Variants in EMILIN2 observed in about 807,000 individuals in gnomAD.
EMILIN2 encodes EMILIN-2.
Under a neutral mutation model 87.1 loss-of-function variants are expected in EMILIN2, and 71 were observed. That is an observed-to-expected ratio of 0.82 (90% CI 0.67 to 0.99). The LOEUF (loss-of-function observed/expected upper bound fraction) is 0.99. Among genes scored for constraint, EMILIN2 ranks in the 50% least tolerant of loss-of-function variants. The pLI, the probability that EMILIN2 is intolerant of heterozygous loss-of-function variation, is 0.00. For missense variants in EMILIN2, 1,407 were observed against 1,371.8 expected, an observed-to-expected ratio of 1.03 and a Z score of -0.40; for synonymous variants, 581 against 563.4, an observed-to-expected ratio of 1.03 and a Z score of -0.44.
chr18:2,895,887 A>G (rs1333956434), intron 4 of EMILIN2, among the ~76,000 whole-genome samples: 1 of 152,228 alleles, frequency 6.6e-6, no homozygotes, highest in Non-Finnish European at 1.5e-5. Flanking sequence ...CACAGTGAGC[A>G]CAGATCCAGA....
chr18:2,867,496 G>A (rs1366650934), intron 2 of EMILIN2, among the ~76,000 whole-genome samples: 1 of 152,076 alleles, frequency 6.6e-6, no homozygotes, highest in Non-Finnish European at 1.5e-5. Flanking sequence ...AGGACCCTGC[G>A]GCCTTCCGCA....
intron 2 of EMILIN2, among the ~76,000 whole-genome samples, chr18:2,870,190 ATGAT>A (rs2076712778): frequency 1.3e-5 from 2 of 152,194 alleles, no homozygotes; most frequent in South Asian, 4.1e-4. Context: ...ACAGTGAACT[ATGAT>A]TGTGCCACTG....
Position 2,890,609 on chromosome 18 carries a change from C to T in EMILIN2, c.482C>T (p.Thr161Ile). 2 of 1,605,526 alleles carry T rather than the reference C, an allele frequency of 1.2e-6. No individual in the cohort carries two copies. The highest frequency in any genetic ancestry group is 1.7e-6 in the Non-Finnish European group (2 of 1,173,286). Reference sequence around the variant, plus strand: ...GAGCCCAGGAAGACTTTGTCCCCAACTGGTACAGCACAACCAAGCTGGGGG... The same window carrying T: ...GAGCCCAGGAAGACTTTGTCCCCAATTGGTACAGCACAACCAAGCTGGGGG... ...FSEPRKTLSP[T>I]GTAQPSWGVD... The change falls in exon 4 of 8, where the codon ACT becomes ATT. Residue 161 changes from threonine (T) to isoleucine (I), a missense_variant. Thr to Ile is a moderately conservative substitution (Grantham distance 89). Coordinates refer to ENST00000254528, the MANE Select transcript of EMILIN2 (RefSeq NM_032048.3). This position sits in a 1 kb window ranked among gnomAD's most constrained non-coding sequence, Gnocchi z 4.7.
chr18:2,912,068 T>G (rs537382766), intron 7 of EMILIN2, among the ~76,000 whole-genome samples: 9 of 148,146 alleles, frequency 6.1e-5, no homozygotes, highest in Non-Finnish European at 1.2e-4. Context: ...TGAGACAGTC[T>G]TGTTCTGTCA....
In EMILIN2 at chr18:2,890,938, G is replaced by C. The variant is rs1253424891; in HGVS notation, c.811G>C (p.Asp271His). 5.6e-6 allele frequency: 9 copies of C among 1,613,968 alleles called. No homozygotes were observed. The highest frequency in any genetic ancestry group is 7.6e-6 in the Non-Finnish European group (9 of 1,180,028). ...DIKSELAEVK[D>H]TLKNKSDKLE... ...CAAGTCTGAATTGGCTGAAGTCAAA[G>C]ATACTCTAAAGAACAAAAGTGACAA... The change falls in exon 4 of 8, where the codon GAT becomes CAT. Residue 271 changes from aspartate (D) to histidine (H), a missense_variant. By Grantham distance (81) the Asp-to-His change is moderately conservative. Coordinates refer to ENST00000254528, the MANE Select transcript of EMILIN2 (RefSeq NM_032048.3). This position sits in a 1 kb window ranked among gnomAD's most constrained non-coding sequence, Gnocchi z 4.7.
intron 4 of EMILIN2, among the ~76,000 whole-genome samples, chr18:2,896,321 G>A (rs1345482853): frequency 6.6e-6 from 1 of 152,006 alleles, no homozygotes; most frequent in African/African-American, 2.4e-5. Context: ...GATTACAGGT[G>A]TCTGCCACCA....
At chr18:2,896,640 A>G (rs991023858) in intron 4 of EMILIN2, among the ~76,000 whole-genome samples, 1 of 149,368 alleles carries the variant, frequency 6.7e-6, no homozygotes, top group Non-Finnish European at 1.5e-5. Flanking sequence ...GCACCCAGCT[A>G]ATTTTTTGTT....
intron 2 of EMILIN2, among the ~76,000 whole-genome samples, chr18:2,879,677 C>G (rs1423355222): frequency 1.3e-5 from 2 of 151,556 alleles, no homozygotes; most frequent in African/African-American, 2.4e-5. Flanking sequence ...CCCCAACACC[C>G]CCCCCAAAAA....
rs932744640 is a variant in EMILIN2, at chr18:2,868,568, C to T, written c.258-16396C>T. Among the ~76,000 whole-genome samples, 11 of 152,374 alleles carry T rather than the reference C, an allele frequency of 7.2e-5. No individual in the cohort carries two copies. In the East Asian group the frequency reaches 1.2e-3, roughly 16 times the overall value. On this transcript the variant is annotated intron_variant, in intron 2 of 7. Transcript: ENST00000254528. ...CGGCACCTCGGGAGGCCGAGGCTGG[C>T]GGATCACTCGCGGTTAGGAGCTGGA...
At chr18:2,879,705 T>G (rs2076767671) in intron 2 of EMILIN2, among the ~76,000 whole-genome samples, 1 of 151,300 alleles carries the variant, frequency 6.6e-6, no homozygotes, top group Non-Finnish European at 1.5e-5. Context: ...TTAAGTATAT[T>G]AATTTGATTG....
chr18:2,868,422 C>T (rs533817908), intron 2 of EMILIN2, among the ~76,000 whole-genome samples: 3 of 152,214 alleles, frequency 2.0e-5, no homozygotes, highest in Non-Finnish European at 4.4e-5. Context: ...ACTGCAATCT[C>T]GGCTCTTTGG....
chr18:2,872,407 A>T (rs2143996505), intron 2 of EMILIN2, among the ~76,000 whole-genome samples: 1 of 152,326 alleles, frequency 6.6e-6, no homozygotes, highest in Middle Eastern at 3.4e-3. Context: ...TAAAAAATTC[A>T]TATGGGGTCC....
chr18:2,881,210 C>T (rs191079480), intron 2 of EMILIN2, among the ~76,000 whole-genome samples: 2 of 152,348 alleles, frequency 1.3e-5, no homozygotes, highest in Non-Finnish European at 2.9e-5. Flanking sequence ...GCTTTGTCAT[C>T]GTCATGCGAC....
In EMILIN2 at chr18:2,847,078, G is replaced by C; in HGVS notation, c.-111G>C. On this transcript the variant is annotated 5_prime_UTR_variant, in exon 1 of 8. Coordinates refer to ENST00000254528, the MANE Select transcript of EMILIN2 (RefSeq NM_032048.3). The surrounding 1 kb of genome is among the most constrained non-coding windows in gnomAD (Gnocchi z 4.5). The stretch of plus-strand genomic sequence containing the variant: ...CTGGTTGGAGCGCCGCGAAGCGCCC[G>C]AGCCTCTTGCCTTCGCGGGCGGCGC... 9.2e-7 allele frequency: 1 copy of C among 1,086,680 alleles called. No individual in the cohort carries two copies. The highest frequency in any genetic ancestry group is 1.1e-6 in the Non-Finnish European group (1 of 886,464). The allele number at this position is 1,086,680 out of a possible 1,614,324, so 67.3% of individuals were successfully genotyped here. A position where few individuals can be genotyped will look rare whatever the true frequency, so the allele number is the denominator to read the frequency against.
intron 2 of EMILIN2, among the ~76,000 whole-genome samples, chr18:2,863,430 C>A (rs957570121): frequency 1.3e-5 from 2 of 152,112 alleles, no homozygotes; most frequent in Non-Finnish European, 2.9e-5. Context: ...TCTTTGTTCT[C>A]GTTGGTTTCA....
chr18:2,860,073 G>C (rs760508510), intron 2 of EMILIN2, among the ~76,000 whole-genome samples: 1 of 152,006 alleles, frequency 6.6e-6, no homozygotes. Context: ...GGTTCTATAA[G>C]AATTTTAGGA....
At chr18:2,902,119 G>A (rs2076890571) in intron 4 of EMILIN2, among the ~76,000 whole-genome samples, 1 of 152,216 alleles carries the variant, frequency 6.6e-6, no homozygotes. Flanking sequence ...AATGATCACT[G>A]TCCTATAGGT....
Position 2,913,640 on chromosome 18 carries a change from G to T in EMILIN2, c.*236G>T. 43 of 358,996 alleles carry T rather than the reference G, an allele frequency of 1.2e-4. No individual in the cohort carries two copies. Among genetic ancestry groups the T allele is most frequent in the South Asian group, 1.0e-3 (10 of 9,752 alleles). The allele number at this position is 358,996 out of a possible 1,614,324, so 22.2% of individuals were successfully genotyped here. ...TTTCTGCCACTCTAACTGGACAACTGGAAGACTTGGAAAGGCCTCCACCTG... is the reference window on the plus strand; with the variant it reads ...TTTCTGCCACTCTAACTGGACAACTTGAAGACTTGGAAAGGCCTCCACCTG... On this transcript the variant is annotated 3_prime_UTR_variant, in exon 8 of 8. Coordinates refer to ENST00000254528, the MANE Select transcript of EMILIN2 (RefSeq NM_032048.3).
chr18:2,898,290 G>A (rs899996484), intron 4 of EMILIN2, among the ~76,000 whole-genome samples: 11 of 152,244 alleles, frequency 7.2e-5, no homozygotes, highest in Admixed American at 5.9e-4. Context: ...CTCCCTGCCT[G>A]GGACCCAGGA....
Sources: gnomAD v4.1 joint callset for allele counts (sites outside exome capture counted in the v4.1 genomes callset) on GRCh38, gnomAD v4.1.1 for gene constraint, Gnocchi (gnomAD v3.1) non-coding constraint, MANE v1.5 for transcripts, NCBI Gene and HGNC (gene_info 2026-07-23, HGNC 2026-07-21) for gene names.